The following CANX variants were observed in gnomAD, a reference collection of about 807,000 sequenced individuals.
CANX encodes epididymis secretory sperm binding protein.
CANX carries 14 observed loss-of-function variants against 75.7 expected under a neutral mutation model. The observed-to-expected ratio is 0.19, with a 90% CI of 0.12 to 0.29. The LOEUF (loss-of-function observed/expected upper bound fraction) is 0.29. Among genes scored for constraint, CANX ranks in the 10% least tolerant of loss-of-function variants. The pLI, the probability that CANX is intolerant of heterozygous loss-of-function variation, is 1.00. For synonymous variants in CANX, 227 were observed against 236.9 expected (o/e 0.96, Z 0.38); for missense variants, 567 against 713.2 (o/e 0.79, Z 2.34).
At chr5:179,682,150 T>G (rs1581811764) in intron 1 of CANX, among the ~76,000 whole-genome samples, 6 of 139,592 alleles carry the variant, frequency 4.3e-5, no homozygotes, top group African/African-American at 5.4e-5. Context: ...TACTCAGGAG[T>G]CTGAGGCAGG....
intron 10 of CANX, among the ~76,000 whole-genome samples, chr5:179,721,718 A>T (rs1365112954): frequency 6.6e-6 from 1 of 152,188 alleles, no homozygotes. Context: ...TGTTCCTTTT[A>T]TCTTTCTAGC....
intron 13 of CANX, among the ~76,000 whole-genome samples, chr5:179,725,301 G>C (rs919187577): frequency 1.3e-5 from 2 of 151,922 alleles, no homozygotes; most frequent in Non-Finnish European, 2.9e-5. Context: ...TTGCCTCCCA[G>C]ATTCAAGCGA....
At chr5:179,720,616 A>C in intron 10 of CANX, 56 bp downstream of exon 10, 2 of 1,527,658 alleles carry the variant, frequency 1.3e-6, no homozygotes, top group South Asian at 2.3e-5. Flanking sequence ...ATTCAGATAG[A>C]AGTTTTATCT....
intron 1 of CANX, among the ~76,000 whole-genome samples, chr5:179,679,958 CTTTTTTTTT>C (rs34916199): frequency 4.1e-3 from 244 of 59,388 alleles, no homozygotes; most frequent in Admixed American, 7.2e-3. Context: ...TGCGCCTGGC[CTTTTTTTTT>C]TTTTTTTTTT....
intron 1 of CANX, chr5:179,678,839 CA>C (rs1298028280): frequency 5.9e-6 from 9 of 1,536,828 alleles, no homozygotes; most frequent in Non-Finnish European, 7.8e-6. Context: ...CTTCCAGCCC[CA>C]GGCGGTCCGC....
At chr5:179,680,101 G>A (rs1343683164) in intron 1 of CANX, among the ~76,000 whole-genome samples, 2 of 151,414 alleles carry the variant, frequency 1.3e-5, no homozygotes, top group Non-Finnish European at 2.9e-5. Context: ...GTGAGCCACT[G>A]TACCCGGCAG....
chr5:179,698,963 C>T (rs1172609634), upstream of CANX: 7 of 1,120,920 alleles, frequency 6.2e-6, no homozygotes, highest in Middle Eastern at 4.2e-4. Context: ...CTCGCTCGCG[C>T]GGCAGCGGTG....
chr5:179,700,338 A>G (rs1050404607), intron 1 of CANX: 1 of 152,298 alleles, frequency 6.6e-6, no homozygotes, highest in African/African-American at 2.4e-5. Flanking sequence ...AGATTTTTTT[A>G]AGGGGGAAGA....
exon 1 of CANX, chr5:179,678,751 T>G (rs1314782516): frequency 6.5e-7 from 1 of 1,537,096 alleles, no homozygotes; most frequent in African/African-American, 1.4e-5. Context: ...TCAGCATGTC[T>G]ATGAGCAGTT....
In CANX at chr5:179,720,491, A is replaced by G; in HGVS notation, c.1113A>G (p.Arg371=). 2 of 1,614,010 alleles carry G rather than the reference A, an allele frequency of 1.2e-6. No individual in the cohort carries two copies. The highest frequency in any genetic ancestry group is 1.7e-6 in the Non-Finnish European group (2 of 1,179,868). The change falls in exon 10 of 15, where the codon CGA becomes CGG. Residue 371 remains arginine (R), a synonymous_variant. Transcript: ENST00000247461. ...ESAPGCGVWQ[R]PVIDNPNYKG... is the part of the protein sequence containing the mutation. ...CTCCTGGATGTGGTGTCTGGCAGCGACCTGTGATTGACAACCCCAATTATA... is the reference window on the plus strand; with the variant it reads ...CTCCTGGATGTGGTGTCTGGCAGCGGCCTGTGATTGACAACCCCAATTATA...
intron 1 of CANX, chr5:179,700,867 T>TC (rs1776695861): frequency 7.3e-6 from 1 of 136,252 alleles, no homozygotes; most frequent in South Asian, 2.3e-4. Flanking sequence ...GTGGTAACCT[T>TC]TTTTTTTTTT....
intron 1 of CANX, among the ~76,000 whole-genome samples, chr5:179,690,750 G>A (rs1054861222): frequency 2.6e-5 from 4 of 151,478 alleles, no homozygotes; most frequent in African/African-American, 7.3e-5. Context: ...TTAGCCGGGC[G>A]CGGTGGCATG....
intron 5 of CANX, among the ~76,000 whole-genome samples, chr5:179,708,685 T>C (rs1777322249): frequency 6.6e-6 from 1 of 152,194 alleles, no homozygotes; most frequent in African/African-American, 2.4e-5. Flanking sequence ...TAGTTTTTCC[T>C]GCCTAATGCA....
At chr5:179,682,974 A>G (rs1445751955) in intron 1 of CANX, among the ~76,000 whole-genome samples, 1 of 152,224 alleles carries the variant, frequency 6.6e-6, no homozygotes, top group Non-Finnish European at 1.5e-5. Context: ...AAATGACGTC[A>G]GTCCTACCTA....
intron 7 of CANX, among the ~76,000 whole-genome samples, chr5:179,710,715 A>AAAAAAAAAAAAAAAAAAAAAAG (rs1777492734): frequency 7.1e-6 from 1 of 140,310 alleles, no homozygotes; most frequent in Non-Finnish European, 1.6e-5. Flanking sequence ...CTCAAAAAAA[A>AAAAAAAAAAAAAAAAAAAAAAG]AAAAAAAAGA....
chr5:179,698,999 C>T lies in CANX; in HGVS notation c.-107C>T. The T allele has an allele frequency of 8.9e-7, 1 of 1,121,432 alleles. No homozygotes were observed. The highest frequency in any genetic ancestry group is 1.1e-6 in the Non-Finnish European group (1 of 910,240). The allele number at this position is 1,121,432 out of a possible 1,614,324, so 69.5% of individuals were successfully genotyped here. Reference sequence around the variant, plus strand: ...GCCGAGGCCTCTTGGTTCTGCGGCACGTGACGGTCGGGCCGCCTCCGCCTC... The same window carrying T: ...GCCGAGGCCTCTTGGTTCTGCGGCATGTGACGGTCGGGCCGCCTCCGCCTC... On this transcript the variant is annotated 5_prime_UTR_variant, in exon 1 of 15. In the 5' UTR this introduces an upstream ATG that the reference lacks. Transcript: ENST00000247461.
upstream of CANX, among the ~76,000 whole-genome samples, chr5:179,693,778 G>C (rs1776342362): frequency 6.6e-6 from 1 of 151,938 alleles, no homozygotes; most frequent in African/African-American, 2.4e-5. Context: ...AGAAGTTTGA[G>C]GCTGCAGTGA....
chr5:179,705,043 AGT>A (rs1362315727), intron 1 of CANX, among the ~76,000 whole-genome samples: 1 of 151,884 alleles, frequency 6.6e-6, no homozygotes, highest in East Asian at 1.9e-4. Flanking sequence ...CGCAGGCTAG[AGT>A]GTAGTGGCGT....
At chr5:179,705,922 C>A in intron 2 of CANX, 70 bp downstream of exon 2, 1 of 1,328,776 alleles carries the variant, frequency 7.5e-7, no homozygotes, top group Non-Finnish European at 1.1e-6. Flanking sequence ...TACCCGGGTG[C>A]AGGGAAATGT....
Sources: gnomAD v4.1 joint callset for allele counts (sites outside exome capture counted in the v4.1 genomes callset) on GRCh38, gnomAD v4.1.1 for gene constraint, MANE v1.5 for transcripts, NCBI Gene and HGNC (gene_info 2026-07-23, HGNC 2026-07-21) for gene names.